Variants in MMP16 observed in about 807,000 individuals in gnomAD.
MMP16 encodes matrix metalloproteinase-16.
Under a neutral mutation model 67.8 loss-of-function variants are expected in MMP16, and 12 were observed. The observed-to-expected ratio is 0.18, with a 90% CI of 0.11 to 0.29. The LOEUF is 0.29. Ranked by LOEUF, MMP16 falls within the 10% of genes least tolerant of loss-of-function variation. MMP16 has a pLI of 1.00. For synonymous variants in MMP16, 249 were observed against 255.9 expected, an observed-to-expected ratio of 0.97 and a Z score of 0.26; for missense variants, 475 against 765.7, an observed-to-expected ratio of 0.62 and a Z score of 4.48.
At chr8:88,241,529 CTCTT>C (rs1487600355) in intron 1 of MMP16, among the ~76,000 whole-genome samples, 1 of 151,864 alleles carries the variant, frequency 6.6e-6, no homozygotes, top group Non-Finnish European at 1.5e-5. Context: ...AGCTGTTTTT[CTCTT>C]TCTTTTTTAA....
intron 1 of MMP16, among the ~76,000 whole-genome samples, chr8:88,305,770 T>C (rs1436240082): frequency 6.6e-6 from 1 of 152,274 alleles, no homozygotes; most frequent in Admixed American, 6.5e-5. Flanking sequence ...CCAGAATCTC[T>C]GGGACACAGC....
chr8:88,302,642 G>A (rs1018681246), intron 1 of MMP16, among the ~76,000 whole-genome samples: 11 of 152,260 alleles, frequency 7.2e-5, no homozygotes, highest in East Asian at 3.9e-4. Flanking sequence ...GTGTGTAGGG[G>A]AAAATTGGAA....
At chr8:88,321,946 A>G (rs1168414477) in intron 1 of MMP16, among the ~76,000 whole-genome samples, 6 of 152,156 alleles carry the variant, frequency 3.9e-5, no homozygotes, top group Admixed American at 2.6e-4. Context: ...GCCATTCCCA[A>G]TGTTATATGG....
In MMP16 at chr8:88,210,773, C is replaced by T. The variant is rs541436525; in HGVS notation, c.133-13467G>A. On this transcript the variant is annotated intron_variant, in intron 1 of 9. Transcript: ENST00000286614. ...TGTCTTCTTAGATTCTACCTTCCAT[C>T]CCCATACCCAGAGATAAAAATCAAT... Among the ~76,000 whole-genome samples the T allele has an allele frequency of 3.3e-5, 5 of 152,220 alleles. No homozygotes were observed. In the South Asian group the frequency reaches 1.0e-3, roughly 32 times the overall value.
At chr8:88,147,875 G>A (rs117583394) in intron 4 of MMP16, among the ~76,000 whole-genome samples, 1 of 151,512 alleles carries the variant, frequency 6.6e-6, no homozygotes, top group Admixed American at 6.6e-5. Flanking sequence ...TTTACTTCTA[G>A]ATAATTATCA....
intron 1 of MMP16, among the ~76,000 whole-genome samples, chr8:88,295,921 C>T (rs1811005967): frequency 6.6e-6 from 1 of 152,038 alleles, no homozygotes. Context: ...GAAACAGTGC[C>T]ATAATCAGTA....
In MMP16 at chr8:88,167,418, CTTACT is replaced by C. The variant is rs141686742; in HGVS notation, c.709+246_709+250del. Among the ~76,000 whole-genome samples the C allele has an allele frequency of 6.1e-3, 923 of 152,158 alleles. 3 individuals carry two copies. Among genetic ancestry groups the C allele is most frequent in the African/African-American group, 0.021 (873 of 41,524 alleles). Reference sequence around the variant, plus strand: ...GAATCACATTGTGAAGAAGACAAAACTTACTTTAGAGTATTTATAGATACAGTATA... The same window carrying C: ...GAATCACATTGTGAAGAAGACAAAACTTAGAGTATTTATAGATACAGTATA... On this transcript the variant is annotated intron_variant, in intron 4 of 9. Transcript: ENST00000286614.
chr8:88,064,902 G>A (rs140464790), intron 7 of MMP16, among the ~76,000 whole-genome samples: 77 of 152,130 alleles, frequency 5.1e-4, no homozygotes, highest in Non-Finnish European at 7.4e-4. Context: ...TGTGGTTGCC[G>A]CTGAGGTGTG....
At chr8:88,169,669 G>GT (rs1808768395) in intron 3 of MMP16, among the ~76,000 whole-genome samples, 1 of 152,138 alleles carries the variant, frequency 6.6e-6, no homozygotes, top group Non-Finnish European at 1.5e-5. Context: ...TGGAAACAGA[G>GT]TGCAGGCAAG....
Position 88,058,208 on chromosome 8 carries a change from A to G in MMP16, c.1223-1930T>C, listed in dbSNP as rs1019971051. The stretch of plus-strand genomic sequence containing the variant: ...TTGCAAATCAACATAATGAGTTGGA[A>G]TCTTACTTAGAGTGTACTGGAGGCC... On this transcript the variant is annotated intron_variant, in intron 7 of 9. Transcript: ENST00000286614. The surrounding 1 kb of genome is among the most constrained non-coding windows in gnomAD (Gnocchi z 4.2). Among the ~76,000 whole-genome samples the G allele has an allele frequency of 4.1e-4, 62 of 152,264 alleles. No individual in the cohort carries two copies. The highest frequency in any genetic ancestry group is 1.4e-3 in the African/African-American group (60 of 41,576).
intron 6 of MMP16, among the ~76,000 whole-genome samples, chr8:88,078,263 C>A (rs1382906167): frequency 6.6e-6 from 1 of 152,126 alleles, no homozygotes; most frequent in Non-Finnish European, 1.5e-5. Context: ...CCTACTTAAA[C>A]ACCAATATTT....
intron 1 of MMP16, among the ~76,000 whole-genome samples, chr8:88,258,668 G>A (rs1316195035): frequency 6.6e-6 from 1 of 152,204 alleles, no homozygotes; most frequent in Non-Finnish European, 1.5e-5. Flanking sequence ...TTTACAATAA[G>A]AGGGAAGACG....
At chr8:88,098,931 T>C (rs1238948849) in intron 6 of MMP16, among the ~76,000 whole-genome samples, 5 of 151,722 alleles carry the variant, frequency 3.3e-5, no homozygotes, top group African/African-American at 1.2e-4. Flanking sequence ...CATATGTAGA[T>C]TTTTTTACAC....
chr8:88,059,919 T>C (rs552760722), intron 7 of MMP16, among the ~76,000 whole-genome samples: 3 of 148,396 alleles, frequency 2.0e-5, no homozygotes, highest in Non-Finnish European at 3.0e-5. Flanking sequence ...AGGAAGCAGA[T>C]ATTAAGAGGA....
intron 1 of MMP16, among the ~76,000 whole-genome samples, chr8:88,214,737 T>C (rs991029713): frequency 1.6e-4 from 24 of 152,328 alleles, no homozygotes; most frequent in African/African-American, 5.0e-4. Context: ...CTTGAACTTA[T>C]TCCTCTTGTC....
At chr8:88,231,356 C>T (rs1205593287) in intron 1 of MMP16, among the ~76,000 whole-genome samples, 4 of 152,100 alleles carry the variant, frequency 2.6e-5, no homozygotes, top group African/African-American at 4.8e-5. Context: ...TGCTGCAATT[C>T]ATTTGATCAG....
chr8:88,314,049 T>C (rs1217471434), intron 1 of MMP16, among the ~76,000 whole-genome samples: 1 of 152,202 alleles, frequency 6.6e-6, no homozygotes, highest in Non-Finnish European at 1.5e-5. Flanking sequence ...ACATGTATAT[T>C]AGGTAACGTG....
At chr8:88,046,900 T>C in intron 8 of MMP16, 116 bp from the exon 9 acceptor site, 1 of 576,364 alleles carries the variant, frequency 1.7e-6, no homozygotes, top group East Asian at 3.2e-5. Context: ...CTTGACTTTG[T>C]TACCTGTGCA....
In MMP16 at chr8:88,040,181, A is replaced by G. The variant is rs1808112559; in HGVS notation, c.*1280T>C. 1 of 152,656 alleles carries G rather than the reference A, an allele frequency of 6.6e-6. No homozygotes were observed. The highest frequency in any genetic ancestry group is 2.1e-4 in the South Asian group (1 of 4,834). 9.5% of individuals were successfully genotyped at this position (152,656 alleles called of 1,614,324 possible). A position where few individuals can be genotyped will look rare whatever the true frequency, so the allele number is the denominator to read the frequency against. ...TTAGGCTATTATCAGTTTTTCAAAT[A>G]AAATTTCAGATTTATGAGAATCTTA... On this transcript the variant is annotated 3_prime_UTR_variant, in exon 10 of 10. Transcript: ENST00000286614.
Sources: gnomAD v4.1 joint callset for allele counts (sites outside exome capture counted in the v4.1 genomes callset) on GRCh38, gnomAD v4.1.1 for gene constraint, Gnocchi (gnomAD v3.1) non-coding constraint, MANE v1.5 for transcripts, NCBI Gene and HGNC (gene_info 2026-07-23, HGNC 2026-07-21) for gene names.